The following DPYS variants were observed in gnomAD, a reference collection of about 807,000 sequenced individuals.
DPYS encodes the protein dihydropyrimidinase.
In DPYS, 39 loss-of-function variants were observed where a neutral mutation model predicts 50.3. The ratio of observed to expected loss-of-function variants is 0.78; its 90% CI spans 0.60 to 1.01. The LOEUF (loss-of-function observed/expected upper bound fraction) is 1.01. Ranked by LOEUF, DPYS falls within the 50% of genes least tolerant of loss-of-function variation. The pLI, the probability that DPYS is intolerant of heterozygous loss-of-function variation, is 0.00. For missense variants in DPYS, 659 were observed against 680.9 expected (o/e 0.97, Z 0.36); for synonymous variants, 245 against 250.7 (o/e 0.98, Z 0.22).
At chr8:104,381,103 A>G in intron 9 of DPYS, 81 bp downstream of exon 9, 1 of 1,195,462 alleles carries the variant, frequency 8.4e-7, no homozygotes, top group South Asian at 1.2e-5. Context: ...TCTGACCTTG[A>G]TCTCTTCAAC....
chr8:104,397,195 G>A (rs1038622366), intron 7 of DPYS, among the ~76,000 whole-genome samples: 1 of 152,088 alleles, frequency 6.6e-6, no homozygotes, highest in Non-Finnish European at 1.5e-5. Flanking sequence ...CAAGAACCCT[G>A]GTCCCTAGAA....
intron 7 of DPYS, among the ~76,000 whole-genome samples, chr8:104,399,654 G>T (rs940195432): frequency 3.3e-5 from 5 of 151,834 alleles, no homozygotes; most frequent in African/African-American, 1.2e-4. Flanking sequence ...TGGATCACGA[G>T]ATCAGGAGAT....
In DPYS at chr8:104,427,999, A is replaced by T. The variant is rs546836470; in HGVS notation, c.1073T>A (p.Val358Glu). The change falls in exon 6 of 10, where the codon GTA becomes GAA. Residue 358 changes from valine to glutamate, a missense_variant. By Grantham distance (121) the Val-to-Glu change is moderately radical (BLOSUM62 -2). Transcript: ENST00000351513. ...ACCCACCACGCCTTTTTCCCATATT[A>T]CGGACATCCGATCTTCAACACCATT... ...GVNGVEDRMS[V>E]IWEKGVHSGK... The T allele has an allele frequency of 6.2e-7, 1 of 1,614,184 alleles. No homozygotes were observed.
At chr8:104,453,724 C>T (rs899646989) in intron 1 of DPYS, among the ~76,000 whole-genome samples, 5 of 152,156 alleles carry the variant, frequency 3.3e-5, no homozygotes, top group Admixed American at 1.3e-4. Flanking sequence ...AACATGTTCT[C>T]GTAAAGACTT....
intron 1 of DPYS, among the ~76,000 whole-genome samples, chr8:104,459,346 T>C (rs1342700525): frequency 6.6e-6 from 1 of 152,220 alleles, no homozygotes; most frequent in Non-Finnish European, 1.5e-5. Flanking sequence ...AAACTTACTA[T>C]ATAAAATTTA....
chr8:104,464,853 C>A (rs893643041), intron 1 of DPYS, among the ~76,000 whole-genome samples: 2 of 152,078 alleles, frequency 1.3e-5, no homozygotes, highest in African/African-American at 4.8e-5. Flanking sequence ...CTAAAAAATT[C>A]TTTAAAATGG....
intron 8 of DPYS, among the ~76,000 whole-genome samples, chr8:104,383,053 G>A (rs908936700): frequency 6.6e-6 from 1 of 152,134 alleles, no homozygotes; most frequent in African/African-American, 2.4e-5. Context: ...CTCAGGTGGG[G>A]CCATCACACA....
chr8:104,389,912 A>G (rs1054455968), intron 8 of DPYS, among the ~76,000 whole-genome samples: 19 of 152,252 alleles, frequency 1.2e-4, no homozygotes, highest in African/African-American at 4.1e-4. Context: ...GTGAACTCAT[A>G]AAAATTTCAG....
intron 8 of DPYS, among the ~76,000 whole-genome samples, chr8:104,386,106 A>C (rs1405565464): frequency 6.6e-6 from 1 of 152,258 alleles, no homozygotes; most frequent in Non-Finnish European, 1.5e-5. Flanking sequence ...ATAGAGAGAC[A>C]GAAATGAAAA....
intron 7 of DPYS, among the ~76,000 whole-genome samples, chr8:104,407,179 T>TC (rs1268809481): frequency 3.3e-5 from 5 of 152,346 alleles, no homozygotes; most frequent in Admixed American, 2.6e-4. Context: ...CAGAGTTTTT[T>TC]CATACTTATA....
intron 7 of DPYS, among the ~76,000 whole-genome samples, chr8:104,417,152 A>G (rs1812395991): frequency 6.6e-6 from 1 of 152,228 alleles, no homozygotes; most frequent in Non-Finnish European, 1.5e-5. Flanking sequence ...GCTCGGCAGA[A>G]TACGGTCCAG....
chr8:104,418,384 T>A (rs1812435817), intron 7 of DPYS, among the ~76,000 whole-genome samples: 1 of 152,318 alleles, frequency 6.6e-6, no homozygotes, highest in South Asian at 2.1e-4. Context: ...GCATTTAATG[T>A]TAAAATCAGG....
rs372535558 is a variant in DPYS, at chr8:104,409,641, AG to A, written c.1235+14605del. Reference sequence around the variant, plus strand: ...TTTTCCTAGAATCCCACATTATAAAAGTCATTTACTTTGGTATCTCCCTACT... The same window carrying A: ...TTTTCCTAGAATCCCACATTATAAAATCATTTACTTTGGTATCTCCCTACT... On this transcript the variant is annotated intron_variant, in intron 7 of 9. Transcript: ENST00000351513. Among the ~76,000 whole-genome samples the A allele has an allele frequency of 4.3e-4, 65 of 152,306 alleles. 2 individuals are homozygous for A. In the East Asian group the frequency reaches 0.011, roughly 26 times the overall value.
chr8:104,397,522 A>G (rs1484555050), intron 7 of DPYS, among the ~76,000 whole-genome samples: 1 of 152,152 alleles, frequency 6.6e-6, no homozygotes, highest in African/African-American at 2.4e-5. Context: ...CATCCAGCCC[A>G]TTTTTGTTGG....
chr8:104,438,255 TG>T (rs1813218399), intron 4 of DPYS, among the ~76,000 whole-genome samples: 1 of 152,196 alleles, frequency 6.6e-6, no homozygotes, highest in African/African-American at 2.4e-5. Context: ...AAAGAATCTC[TG>T]CAAGTAGAGC....
intron 1 of DPYS, among the ~76,000 whole-genome samples, chr8:104,456,018 A>G (rs530522895): frequency 1.1e-4 from 16 of 152,288 alleles, no homozygotes; most frequent in Non-Finnish European, 2.2e-4. Context: ...GTGGCCCCAT[A>G]AGATCACAGT....
intron 1 of DPYS, among the ~76,000 whole-genome samples, chr8:104,452,107 C>T (rs766172460): frequency 1.3e-5 from 2 of 152,220 alleles, no homozygotes; most frequent in Non-Finnish European, 2.9e-5. Flanking sequence ...TTCTCCCTGC[C>T]TCTGCACAAA....
chr8:104,384,728 T>C (rs1811158432), intron 8 of DPYS, among the ~76,000 whole-genome samples: 1 of 152,168 alleles, frequency 6.6e-6, no homozygotes, highest in Non-Finnish European at 1.5e-5. Context: ...TAATAAAGAC[T>C]CCATCCCTAT....
chr8:104,464,170 T>A (rs1417141872), intron 1 of DPYS, among the ~76,000 whole-genome samples: 1 of 152,196 alleles, frequency 6.6e-6, no homozygotes, highest in African/African-American at 2.4e-5. Context: ...AACCTTTAAG[T>A]ACAGAAATGC....
Sources: allele counts gnomAD v4.1 joint callset (sites outside exome capture counted in the v4.1 genomes callset), GRCh38; gene constraint gnomAD v4.1.1; transcripts MANE v1.5; gene names NCBI Gene and HGNC (gene_info 2026-07-23, HGNC 2026-07-21).